The following LIMA1 variants were observed in gnomAD, a reference collection of about 807,000 sequenced individuals.
The protein encoded by LIMA1 is LIM domain and actin binding 1, also known as LIM domain and actin-binding protein 1.
Under a neutral mutation model 62.6 loss-of-function variants are expected in LIMA1, and 52 were observed. The ratio of observed to expected loss-of-function variants is 0.83; its 90% confidence interval spans 0.67 to 1.05. The LOEUF (loss-of-function observed/expected upper bound fraction) is 1.05. LIMA1 is among the 50% of genes least tolerant of loss of function. LIMA1 has a pLI of 0.00. For missense variants in LIMA1, 780 were observed against 902.2 expected, an observed-to-expected ratio of 0.86 and a Z score of 1.74; for synonymous variants, 302 against 317.8, an observed-to-expected ratio of 0.95 and a Z score of 0.53.
intron 2 of LIMA1, among the ~76,000 whole-genome samples, chr12:50,233,555 G>C (rs566768550): frequency 6.6e-6 from 1 of 152,072 alleles, no homozygotes; most frequent in Non-Finnish European, 1.5e-5. Context: ...ACAGAGTTTC[G>C]CTCTTGTTGC....
intron 4 of LIMA1, among the ~76,000 whole-genome samples, chr12:50,216,941 A>G (rs1399799654): frequency 6.6e-6 from 1 of 152,146 alleles, no homozygotes; most frequent in African/African-American, 2.4e-5. Context: ...AATGTAGAGA[A>G]TAACTGAGAA....
At position 50,248,512 on chromosome 12, in the gene LIMA1, A is replaced by C. The variant is rs181764359; in HGVS notation, c.119+121T>G. On this transcript the variant is annotated intron_variant, in intron 2 of 10. Coordinates refer to ENST00000341247, the MANE Select transcript of LIMA1 (RefSeq NM_016357.5). Reference sequence around the variant, plus strand: ...CTCCACAGTACCTCATATAGTGTTTAAAATCCACGAGGCGCCCAATAAAAT... The same window carrying C: ...CTCCACAGTACCTCATATAGTGTTTCAAATCCACGAGGCGCCCAATAAAAT... The C allele has an allele frequency of 1.7e-3, 1,228 of 702,090 alleles. 2 individuals carry two copies. The highest frequency in any genetic ancestry group is 2.5e-3 in the Non-Finnish European group (959 of 386,144). 43.5% of individuals were successfully genotyped at this position (702,090 alleles called of 1,614,324 possible). A position where few individuals can be genotyped will look rare whatever the true frequency, so the allele number is the denominator to read the frequency against.
chr12:50,277,349 G>A (rs952666418), intron 1 of LIMA1, among the ~76,000 whole-genome samples: 2 of 151,910 alleles, frequency 1.3e-5, no homozygotes, highest in African/African-American at 4.8e-5. Context: ...CTACTCCGGT[G>A]GACACTGCCT....
At chr12:50,264,057 A>T (rs1942110939) in intron 1 of LIMA1, among the ~76,000 whole-genome samples, 1 of 151,998 alleles carries the variant, frequency 6.6e-6, no homozygotes, top group Non-Finnish European at 1.5e-5. Context: ...GTGCTGACAC[A>T]TGCTACAACA....
chr12:50,192,394 C>A, intron 9 of LIMA1, 58 bp downstream of exon 9: 1 of 1,144,988 alleles, frequency 8.7e-7, no homozygotes, highest in South Asian at 1.2e-5. Flanking sequence ...ATAAAAGGTA[C>A]AATTAGCTCT....
chr12:50,239,996 AATAACATAACATAACATAAC>A (rs373467242), intron 2 of LIMA1, among the ~76,000 whole-genome samples: 9 of 128,580 alleles, frequency 7.0e-5, no homozygotes, highest in African/African-American at 8.8e-5. Flanking sequence ...TCTATCTCAA[AATAACATAACATAACATAAC>A]ATAACATAAC....
At chr12:50,240,408 T>C (rs1031551738) in intron 2 of LIMA1, among the ~76,000 whole-genome samples, 2 of 152,122 alleles carry the variant, frequency 1.3e-5, no homozygotes, top group Non-Finnish European at 2.9e-5. Context: ...GAGAATGGAC[T>C]GGAGGGGCTG....
At chr12:50,244,020 T>C (rs1176260409) in intron 2 of LIMA1, among the ~76,000 whole-genome samples, 3 of 149,690 alleles carry the variant, frequency 2.0e-5, no homozygotes, top group African/African-American at 7.4e-5. Context: ...GCTCCAGTGA[T>C]TCTTCCACCT....
At chr12:50,182,133 T>C (rs1940519057) in intron 9 of LIMA1, 96 bp from the exon 10 acceptor site, 1 of 1,381,350 alleles carries the variant, frequency 7.2e-7, no homozygotes, top group Non-Finnish European at 1.0e-6. Context: ...AGGGCTCCCT[T>C]AGCTGGTCAG....
chr12:50,206,569 T>A (rs1941157743), intron 4 of LIMA1, among the ~76,000 whole-genome samples: 2 of 152,214 alleles, frequency 1.3e-5, no homozygotes, highest in Non-Finnish European at 2.9e-5. Context: ...TATCCAAAAA[T>A]ATAAATCTAT....
At chr12:50,217,148 T>C (rs1377601969) in intron 4 of LIMA1, among the ~76,000 whole-genome samples, 1 of 151,736 alleles carries the variant, frequency 6.6e-6, no homozygotes, top group Non-Finnish European at 1.5e-5. Flanking sequence ...AACATAAAAC[T>C]ATCCTGACTT....
intron 1 of LIMA1, among the ~76,000 whole-genome samples, chr12:50,273,177 A>G (rs1942236530): frequency 6.6e-6 from 1 of 151,924 alleles, no homozygotes. Flanking sequence ...CTGGTCTCGA[A>G]CTCCTGACCT....
At chr12:50,260,728 G>T (rs1942055652) in intron 1 of LIMA1, among the ~76,000 whole-genome samples, 1 of 151,978 alleles carries the variant, frequency 6.6e-6, no homozygotes, top group Non-Finnish European at 1.5e-5. Flanking sequence ...ACATGTGCAA[G>T]TTTCTTTACT....
At chr12:50,265,692 T>C (rs1005080542) in intron 1 of LIMA1, among the ~76,000 whole-genome samples, 4 of 152,212 alleles carry the variant, frequency 2.6e-5, no homozygotes, top group African/African-American at 9.6e-5. Flanking sequence ...TAGTTTTTAT[T>C]CAAAAGTCAA....
intron 7 of LIMA1, among the ~76,000 whole-genome samples, chr12:50,198,393 G>A (rs1940975100): frequency 6.6e-6 from 1 of 151,966 alleles, no homozygotes; most frequent in African/African-American, 2.4e-5. Flanking sequence ...AAAAAATAAA[G>A]ATAAAAATAA....
chr12:50,206,533 C>A (rs954486110), intron 4 of LIMA1, among the ~76,000 whole-genome samples: 20 of 152,168 alleles, frequency 1.3e-4, no homozygotes, highest in African/African-American at 4.6e-4. Flanking sequence ...ATGATGCTAC[C>A]ATTATCCCCA....
At chr12:50,241,929 C>G (rs192133493) in intron 2 of LIMA1, among the ~76,000 whole-genome samples, 1 of 115,646 alleles carries the variant, frequency 8.6e-6, no homozygotes, top group East Asian at 2.4e-4. Context: ...TCTTTCCTTC[C>G]CAGATTTTTT....
intron 6 of LIMA1, among the ~76,000 whole-genome samples, chr12:50,202,406 C>T (rs977043308): frequency 1.3e-5 from 2 of 152,142 alleles, no homozygotes; most frequent in South Asian, 4.2e-4. Flanking sequence ...AAAAGTTACT[C>T]AACAGGTTTC....
intron 9 of LIMA1, among the ~76,000 whole-genome samples, chr12:50,182,601 C>T (rs1940530298): frequency 6.6e-6 from 1 of 152,162 alleles, no homozygotes; most frequent in South Asian, 2.1e-4. Context: ...AAAACTGACA[C>T]ACAAGTGGAA....
Sources: gnomAD v4.1 joint callset for allele counts (sites outside exome capture counted in the v4.1 genomes callset) on GRCh38, gnomAD v4.1.1 for gene constraint, MANE v1.5 for transcripts, NCBI Gene and HGNC (gene_info 2026-07-23, HGNC 2026-07-21) for gene names.